MEGF8: variants seen among roughly 807,000 people sequenced by gnomAD.
MEGF8 encodes multiple EGF like domains 8.
A neutral mutation model predicts 302.9 loss-of-function variants in MEGF8; 156 were observed. The ratio of observed to expected loss-of-function variants is 0.52; its 90% CI spans 0.45 to 0.59. MEGF8 has a LOEUF of 0.59. MEGF8 is among the 20% of genes least tolerant of loss of function. The pLI is 0.00. For synonymous variants in MEGF8, 1,621 were observed against 1,660.5 expected (o/e 0.98, Z 0.58); for missense variants, 3,345 against 3,964.5 (o/e 0.84, Z 4.20).
chr19:42,327,562 C>G (rs11883406), intron 1 of MEGF8, among the ~76,000 whole-genome samples: 3,170 of 152,316 alleles, frequency 0.021, 102 homozygotes, highest in African/African-American at 0.071. Flanking sequence ...GTGGGAGAGA[C>G]AAACCCACTC....
At chr19:42,373,327 G>A (rs1314631499) in intron 41 of MEGF8, among the ~76,000 whole-genome samples, 2 of 151,780 alleles carry the variant, frequency 1.3e-5, no homozygotes, top group Non-Finnish European at 2.9e-5. Context: ...TCTTAACCTT[G>A]TGATCTGCCC....
chr19:42,375,884 A>G lies in MEGF8; in HGVS notation c.7647A>G (p.Pro2549=). The G allele has an allele frequency of 6.2e-7, 1 of 1,604,990 alleles. No individual in the cohort carries two copies. Among genetic ancestry groups the G allele is most frequent in the Non-Finnish European group, 8.5e-7 (1 of 1,175,686 alleles). Residue 2549 remains proline (P), a synonymous_variant, in exon 42 of 42, where the codon CCA becomes CCG. Coordinates refer to ENST00000251268, the MANE Select transcript of MEGF8 (RefSeq NM_001271938.2). The surrounding 1 kb of genome is among the most constrained non-coding windows in gnomAD (Gnocchi z 7.1). ...GTGGGCCCCGGGGGGCTGGGGATCC[A>G]GGAGGAGCAGGGGCCAGCAGTGGGC... ...ADGGPRGAGD[P]GGAGASSGPG... is the part of the protein sequence containing the mutation.
At position 42,356,178 on chromosome 19, in the gene MEGF8, C is replaced by T. The variant is rs745726059; in HGVS notation, c.4488C>T (p.Asp1496=). The part of the protein sequence containing the change: ...GGQLVWETLM[D]SRLSADTASR... ...AGCTGGTCTGGGAGACCCTCATGGA[C>T]AGCCGCCTCTCAGCCGTGAGTTGTG... Residue 1496 remains aspartate, a synonymous_variant, in exon 25 of 42, where the codon GAC becomes GAT. Coordinates refer to ENST00000251268, the MANE Select transcript of MEGF8 (RefSeq NM_001271938.2). This position sits in a 1 kb window ranked among gnomAD's most constrained non-coding sequence, Gnocchi z 5.2. The T allele has an allele frequency of 1.9e-5, 30 of 1,540,586 alleles. No individual in the cohort carries two copies. The highest frequency in any genetic ancestry group is 2.6e-5 in the Non-Finnish European group (30 of 1,141,256).
At position 42,336,711 on chromosome 19, in the gene MEGF8, G is replaced by A; in HGVS notation, c.1245-96G>A. The A allele has an allele frequency of 6.7e-7, 1 of 1,493,106 alleles. No homozygotes were observed. Among genetic ancestry groups the A allele is most frequent in the Non-Finnish European group, 8.9e-7 (1 of 1,117,346 alleles). The allele number at this position is 1,493,106 out of a possible 1,614,324, so 92.5% of individuals were successfully genotyped here. On this transcript the variant is annotated intron_variant, in intron 6 of 41. Transcript: ENST00000251268. The surrounding 1 kb of genome is among the most constrained non-coding windows in gnomAD (Gnocchi z 4.8). ...GGGGACATAGAGTCAGTCATGGCCA[G>A]TCTCATCCCTGGGTGATCACATGGC...
Position 42,358,736 on chromosome 19 carries a change from A to G in MEGF8, c.5176-51A>G. 6.8e-7 allele frequency: 1 copy of G among 1,467,868 alleles called. No individual in the cohort carries two copies. Among genetic ancestry groups the G allele is most frequent in the Non-Finnish European group, 9.0e-7 (1 of 1,108,640 alleles). The allele number at this position is 1,467,868 out of a possible 1,614,324, so 90.9% of individuals were successfully genotyped here. A position where few individuals can be genotyped will look rare whatever the true frequency, so the allele number is the denominator to read the frequency against. ...GCCCGTCTTGGAGGCAGGGGGCTAG[A>G]AGCAAGAGACTCGAGGAGCCTCAAC... On this transcript the variant is annotated intron_variant, in intron 29 of 41. Coordinates refer to ENST00000251268, the MANE Select transcript of MEGF8 (RefSeq NM_001271938.2). This position sits in a 1 kb window ranked among gnomAD's most constrained non-coding sequence, Gnocchi z 4.4.
chr19:42,337,046 C>T, intron 7 of MEGF8, 38 bp from the exon 8 acceptor site: 8 of 1,613,116 alleles, frequency 5.0e-6, no homozygotes, highest in Non-Finnish European at 6.8e-6. Flanking sequence ...CCCACCTCCC[C>T]TAGGCTTGCC....
At position 42,353,155 on chromosome 19, in the gene MEGF8, C is replaced by G; in HGVS notation, c.3550+28C>G. 1 of 1,512,086 alleles carries G rather than the reference C, an allele frequency of 6.6e-7. No individual in the cohort carries two copies. The highest frequency in any genetic ancestry group is 2.5e-5 in the East Asian group (1 of 40,478). The allele number at this position is 1,512,086 out of a possible 1,614,324, so 93.7% of individuals were successfully genotyped here. On this transcript the variant is annotated intron_variant, in intron 20 of 41. Coordinates refer to ENST00000251268, the MANE Select transcript of MEGF8 (RefSeq NM_001271938.2). The surrounding 1 kb of genome is among the most constrained non-coding windows in gnomAD (Gnocchi z 6.1). ...AAGCAGCCCTTGTCCTGGGCCCAGC[C>G]TGGACCCAGGGAGCCTCCTCCCTTC... is the stretch of plus-strand genomic sequence containing the variant.
chr19:42,331,572 C>CTT (rs771047078), intron 1 of MEGF8, among the ~76,000 whole-genome samples: 1 of 145,094 alleles, frequency 6.9e-6, no homozygotes. Context: ...GTCAACATTT[C>CTT]TTTTTTTTTT....
intron 35 of MEGF8, among the ~76,000 whole-genome samples, chr19:42,365,618 A>AG (rs1339647887): frequency 3.3e-5 from 5 of 151,346 alleles, no homozygotes; most frequent in East Asian, 3.9e-4. Flanking sequence ...AAAAAAAAAA[A>AG]AAAATTAGCC....
At chr19:42,335,671 C>A (rs2039117513) in intron 5 of MEGF8, among the ~76,000 whole-genome samples, 1 of 152,136 alleles carries the variant, frequency 6.6e-6, no homozygotes, top group Non-Finnish European at 1.5e-5. Context: ...GTTTCTGTGT[C>A]TCCATCTCTC....
chr19:42,338,825 A>ATTT (rs55994617), intron 8 of MEGF8, among the ~76,000 whole-genome samples: 7 of 47,158 alleles, frequency 1.5e-4, no homozygotes, highest in Non-Finnish European at 2.2e-4. Flanking sequence ...CTTTCTATGT[A>ATTT]TTTTTTTTTT....
rs1260483836 is a variant in MEGF8, at chr19:42,371,362, T to C, written c.7149T>C (p.Asn2383=). ...ACTTCTTCCCCAGATGCCAGTGTAA[T>C]GGCCACGCGGACACATGTAACGAGC... ...LDGKCTKCQC[N]GHADTCNEQD... Residue 2383 remains asparagine (N), a synonymous_variant, in exon 41 of 42, where the codon AAT becomes AAC. Coordinates refer to ENST00000251268, the MANE Select transcript of MEGF8 (RefSeq NM_001271938.2). 2 of 1,613,862 alleles carry C rather than the reference T, an allele frequency of 1.2e-6. No homozygotes were observed. The highest frequency in any genetic ancestry group is 1.7e-5 in the Admixed American group (1 of 60,018).
At chr19:42,346,422 A>T (rs908562627) in intron 12 of MEGF8, among the ~76,000 whole-genome samples, 8 of 151,842 alleles carry the variant, frequency 5.3e-5, no homozygotes, top group African/African-American at 1.5e-4. Context: ...GGTGCCTGTA[A>T]TCCCAGCACT....
chr19:42,360,734 C>T (rs981727393), intron 31 of MEGF8, 41 bp from the exon 32 acceptor site: 3 of 1,549,966 alleles, frequency 1.9e-6, no homozygotes, highest in Admixed American at 3.9e-5. Context: ...TTCCTGGAGT[C>T]TCCTGCTCTC....
At chr19:42,339,778 G>A (rs1053888081) in intron 8 of MEGF8, among the ~76,000 whole-genome samples, 66 of 152,208 alleles carry the variant, frequency 4.3e-4, no homozygotes, top group African/African-American at 1.5e-3. Flanking sequence ...ATCACTTAAG[G>A]CCGGGTGCAG....
Position 42,369,103 on chromosome 19 carries a change from G to T in MEGF8, c.6641+101G>T. ...TAGAGCCAAGCAGGACAGAAGAAAA[G>T]AAAGCTCGAGGCATGAAGGCAGTGG... On this transcript the variant is annotated intron_variant, in intron 37 of 41. Coordinates refer to ENST00000251268, the MANE Select transcript of MEGF8 (RefSeq NM_001271938.2). The surrounding 1 kb of genome is among the most constrained non-coding windows in gnomAD (Gnocchi z 5.7). 7.0e-7 allele frequency: 1 copy of T among 1,437,008 alleles called. No homozygotes were observed. The allele number at this position is 1,437,008 out of a possible 1,614,324, so 89.0% of individuals were successfully genotyped here. A position where few individuals can be genotyped will look rare whatever the true frequency, so the allele number is the denominator to read the frequency against.
At position 42,375,094 on chromosome 19, in the gene MEGF8, G is replaced by C. The variant is rs1301596632; in HGVS notation, c.7270-413G>C. 6.6e-6 allele frequency among the ~76,000 whole-genome samples: 1 copy of C among 152,224 alleles called. No individual in the cohort carries two copies. The highest frequency in any genetic ancestry group is 1.5e-5 in the Non-Finnish European group (1 of 68,032). On this transcript the variant is annotated intron_variant, in intron 41 of 41. Coordinates refer to ENST00000251268, the MANE Select transcript of MEGF8 (RefSeq NM_001271938.2). The surrounding 1 kb of genome is among the most constrained non-coding windows in gnomAD (Gnocchi z 7.1). ...ATGCACATGATCTCAGTGGTCCTGTGAGCGAGCCGTGGTTACTCCCTGTGT... is the reference window on the plus strand; with the variant it reads ...ATGCACATGATCTCAGTGGTCCTGTCAGCGAGCCGTGGTTACTCCCTGTGT...
At chr19:42,342,636 CAA>C (rs796173686) in intron 8 of MEGF8, among the ~76,000 whole-genome samples, 14 of 115,722 alleles carry the variant, frequency 1.2e-4, no homozygotes, top group Non-Finnish European at 1.7e-4. Flanking sequence ...GACTCTGTCT[CAA>C]AAAAAAAAAA....
intron 8 of MEGF8, among the ~76,000 whole-genome samples, chr19:42,342,186 G>C (rs1260758564): frequency 6.6e-6 from 1 of 152,188 alleles, no homozygotes. Flanking sequence ...GCCTCTTCCT[G>C]CTTCGCAGTT....
Sources: allele counts gnomAD v4.1 joint callset (sites outside exome capture counted in the v4.1 genomes callset), GRCh38; gene constraint gnomAD v4.1.1; non-coding constraint Gnocchi (gnomAD v3.1); transcripts MANE v1.5; gene names NCBI Gene and HGNC (gene_info 2026-07-23, HGNC 2026-07-21).